Variants in ESRRG observed in about 807,000 individuals in gnomAD.
ESRRG encodes estrogen related receptor gamma, also known as estrogen-related receptor gamma.
ESRRG carries 13 observed loss-of-function variants against 44.0 expected under a neutral mutation model. That is an observed-to-expected ratio of 0.30 (90% CI 0.19 to 0.47). The LOEUF is 0.47. ESRRG is among the 20% of genes least tolerant of loss of function. The probability of loss-of-function intolerance (pLI) is 1.00; values close to 1 mark genes in which losing one functional copy is unlikely to be tolerated. For missense variants in ESRRG, 395 were observed against 580.6 expected (o/e 0.68, Z 3.29); for synonymous variants, 215 against 214.6 (o/e 1.00, Z -0.02).
At position 217,064,977 on chromosome 1, in the gene ESRRG, T is replaced by C. The variant is rs147847709; in HGVS notation, c.-106+24530A>G. Among the ~76,000 whole-genome samples, 298 of 152,268 alleles carry C rather than the reference T, an allele frequency of 2.0e-3. 1 individual carries two copies. Among genetic ancestry groups the C allele is most frequent in the Middle Eastern group, 3.4e-3 (1 of 294 alleles). ...GAAAAAGAAATTATAGTCCCTCCTA[T>C]AATGCCCCAAAACAAATGTGAGAAT... On this transcript the variant is annotated intron_variant, in intron 1 of 7. Transcript: ENST00000359162.
chr1:216,986,926 C>A (rs554698913), intron 1 of ESRRG, among the ~76,000 whole-genome samples: 4 of 152,144 alleles, frequency 2.6e-5, no homozygotes, highest in African/African-American at 9.6e-5. Context: ...ACATTTTAAA[C>A]CATCAATAAT....
At chr1:216,766,093 C>T (rs1359730802) in intron 2 of ESRRG, among the ~76,000 whole-genome samples, 1 of 152,128 alleles carries the variant, frequency 6.6e-6, no homozygotes, top group Non-Finnish European at 1.5e-5. Context: ...GGGTTTTGAT[C>T]TCTTCATTCA....
chr1:216,858,335 G>T (rs910197987), intron 2 of ESRRG, among the ~76,000 whole-genome samples: 12 of 152,146 alleles, frequency 7.9e-5, no homozygotes, highest in African/African-American at 2.6e-4. Flanking sequence ...TACTTGGGAG[G>T]CTGAGGCAGG....
intron 1 of ESRRG, among the ~76,000 whole-genome samples, chr1:217,112,294 TA>T (rs1235090893): frequency 6.6e-6 from 1 of 152,168 alleles, no homozygotes; most frequent in Non-Finnish European, 1.5e-5. Flanking sequence ...GATTCTGTCA[TA>T]AAAATCTACA....
intron 1 of ESRRG, among the ~76,000 whole-genome samples, chr1:216,970,419 T>C (rs1045262004): frequency 2.0e-5 from 3 of 152,216 alleles, no homozygotes; most frequent in Non-Finnish European, 4.4e-5. Context: ...TAGTGTCTTC[T>C]TCAACTTTGC....
chr1:216,791,948 C>T (rs2094333350), intron 2 of ESRRG, among the ~76,000 whole-genome samples: 2 of 152,118 alleles, frequency 1.3e-5, no homozygotes, highest in African/African-American at 4.8e-5. Context: ...ACAAAAATTA[C>T]AATTAGTCCC....
chr1:216,721,277 A>G (rs766378083), intron 1 of ESRRG, among the ~76,000 whole-genome samples: 1 of 152,250 alleles, frequency 6.6e-6, no homozygotes, highest in Non-Finnish European at 1.5e-5. Context: ...CTAAAACTGT[A>G]TAACTCTGGT....
At chr1:216,925,982 G>A (rs2062509838) in intron 2 of ESRRG, among the ~76,000 whole-genome samples, 1 of 152,250 alleles carries the variant, frequency 6.6e-6, no homozygotes, top group Non-Finnish European at 1.5e-5. Flanking sequence ...GCTCTTCACA[G>A]TTCATGATCA....
chr1:216,800,614 G>A (rs2094585941), intron 2 of ESRRG, among the ~76,000 whole-genome samples: 1 of 152,042 alleles, frequency 6.6e-6, no homozygotes, highest in Admixed American at 6.6e-5. Flanking sequence ...AACAAGGCAG[G>A]GGTCCTTAAT....
intron 2 of ESRRG, among the ~76,000 whole-genome samples, chr1:216,835,022 A>C (rs918037558): frequency 6.6e-6 from 1 of 152,146 alleles, no homozygotes; most frequent in Non-Finnish European, 1.5e-5. Flanking sequence ...GGCAGATGAA[A>C]CATTTTCATG....
intron 2 of ESRRG, among the ~76,000 whole-genome samples, chr1:216,834,601 T>C (rs904527138): frequency 6.6e-6 from 1 of 152,060 alleles, no homozygotes; most frequent in Non-Finnish European, 1.5e-5. Context: ...GAAAAGAAGA[T>C]AAAAAATGTT....
chr1:216,949,454 T>C (rs2066602408), intron 1 of ESRRG, among the ~76,000 whole-genome samples: 1 of 152,198 alleles, frequency 6.6e-6, no homozygotes, highest in Non-Finnish European at 1.5e-5. Flanking sequence ...ATCCACTTTG[T>C]ACTTAACCTT....
At chr1:216,555,756 T>G (rs943084001) in intron 5 of ESRRG, among the ~76,000 whole-genome samples, 3 of 152,184 alleles carry the variant, frequency 2.0e-5, no homozygotes, top group Non-Finnish European at 4.4e-5. Flanking sequence ...CTTTGCTGAA[T>G]AAATCAGAGG....
At chr1:217,062,900 G>C (rs2088845646) in intron 1 of ESRRG, among the ~76,000 whole-genome samples, 1 of 152,146 alleles carries the variant, frequency 6.6e-6, no homozygotes, top group African/African-American at 2.4e-5. Flanking sequence ...TGGCTACAGA[G>C]AGCAGGAAGA....
At chr1:216,794,475 A>C (rs2148156589) in intron 2 of ESRRG, among the ~76,000 whole-genome samples, 1 of 152,332 alleles carries the variant, frequency 6.6e-6, no homozygotes, top group South Asian at 2.1e-4. Context: ...TAGTCTGATA[A>C]GTTCCTATCG....
At chr1:216,644,403 A>C (rs1478830562) in intron 3 of ESRRG, among the ~76,000 whole-genome samples, 1 of 150,808 alleles carries the variant, frequency 6.6e-6, no homozygotes, top group Admixed American at 6.7e-5. Flanking sequence ...CTGTAATTAA[A>C]AGATACTTTA....
intron 2 of ESRRG, among the ~76,000 whole-genome samples, chr1:216,731,973 G>A (rs187519171): frequency 1.3e-4 from 20 of 151,930 alleles, no homozygotes; most frequent in African/African-American, 4.8e-4. Flanking sequence ...AAATCAGAAC[G>A]TTAAACAAAG....
At chr1:216,760,566 G>A (rs2092715360) in intron 2 of ESRRG, among the ~76,000 whole-genome samples, 1 of 151,930 alleles carries the variant, frequency 6.6e-6, no homozygotes, top group African/African-American at 2.4e-5. Context: ...TTACACCACT[G>A]TAATCCAGGC....
intron 2 of ESRRG, among the ~76,000 whole-genome samples, chr1:216,783,594 G>A (rs973729287): frequency 6.6e-6 from 1 of 151,806 alleles, no homozygotes; most frequent in Non-Finnish European, 1.5e-5. Context: ...TTATGTATTC[G>A]GTTTCCCAAC....
Sources: gnomAD v4.1 joint callset for allele counts (sites outside exome capture counted in the v4.1 genomes callset) on GRCh38, gnomAD v4.1.1 for gene constraint, MANE v1.5 for transcripts, NCBI Gene and HGNC (gene_info 2026-07-23, HGNC 2026-07-21) for gene names.